Variants in RP1 observed in about 807,000 individuals in gnomAD.
The protein encoded by RP1 is oxygen-regulated protein 1.
In RP1, 16 loss-of-function variants were observed where a neutral mutation model predicts 14.8. The observed-to-expected ratio is 1.08, with a 90% CI of 0.73 to 1.65. The LOEUF (loss-of-function observed/expected upper bound fraction) is 1.65, where lower values mean the gene tolerates loss of function less well. RP1 is among the 40% of genes most tolerant of loss of function. The pLI is 0.00. For missense variants in RP1, 2,631 were observed against 2,535.0 expected (o/e 1.04, Z -0.81); for synonymous variants, 876 against 883.6 (o/e 0.99, Z 0.15).
intron 24 of RP1, among the ~76,000 whole-genome samples, chr8:54,804,076 T>C (rs879313799): frequency 6.8e-6 from 1 of 147,180 alleles, no homozygotes; most frequent in Admixed American, 6.9e-5. Flanking sequence ...TCAAAAAAAA[T>C]AAAAGAATTA....
intron 4 of RP1, among the ~76,000 whole-genome samples, chr8:54,650,101 A>G (rs1318295000): frequency 6.6e-6 from 1 of 152,186 alleles, no homozygotes; most frequent in Non-Finnish European, 1.5e-5. Flanking sequence ...CATAGTTTAT[A>G]GGGCTAAATA....
At chr8:54,695,911 A>G (rs564829526) in intron 12 of RP1, among the ~76,000 whole-genome samples, 1 of 152,318 alleles carries the variant, frequency 6.6e-6, no homozygotes, top group East Asian at 1.9e-4. Flanking sequence ...TATTATGTAG[A>G]CAAAAATAAA....
Position 54,626,556 on chromosome 8 carries a change from G to C in RP1, c.2674G>C (p.Ala892Pro), listed in dbSNP as rs1205090712. 1 of 1,613,492 alleles carries C rather than the reference G, an allele frequency of 6.2e-7. No homozygotes were observed. The highest frequency in any genetic ancestry group is 8.5e-7 in the Non-Finnish European group (1 of 1,179,896). The change falls in exon 4 of 4, where the codon GCA becomes CCA. Residue 892 changes from alanine to proline, a missense_variant. By Grantham distance (27) the Ala-to-Pro change is conservative. Transcript: ENST00000220676. ...AAGTAAACAACATGCTACAACCAGG[G>C]CAAATTCTTTAGCTTCTTTGAAAAA... Reference protein sequence around the residue: ...ILSKQHATTRANSLASLKKPD... With the variant: ...ILSKQHATTRPNSLASLKKPD...
intron 1 of RP1, among the ~76,000 whole-genome samples, chr8:54,578,979 C>T (rs1294284859): frequency 2.0e-5 from 3 of 152,194 alleles, no homozygotes; most frequent in Admixed American, 6.5e-5. Context: ...GAAATAAAGC[C>T]ATTTCCCCAA....
chr8:54,738,287 C>T (rs1305890291), intron 18 of RP1, among the ~76,000 whole-genome samples: 1 of 152,146 alleles, frequency 6.6e-6, no homozygotes, highest in East Asian at 1.9e-4. Context: ...ATATTTTACT[C>T]CGTTTGCAAC....
chr8:54,864,413 C>T (rs1812416592), intron 27 of RP1, among the ~76,000 whole-genome samples: 2 of 152,054 alleles, frequency 1.3e-5, no homozygotes, highest in Admixed American at 6.6e-5. Flanking sequence ...AAAAATAAAA[C>T]ATTTTAATTT....
intron 24 of RP1, among the ~76,000 whole-genome samples, chr8:54,792,585 T>G (rs1369481087): frequency 6.6e-6 from 1 of 151,892 alleles, no homozygotes; most frequent in African/African-American, 2.4e-5. Context: ...TCATGGAGAT[T>G]AAACACACTT....
In RP1 at chr8:54,629,413, A is replaced by G. The variant is rs1369883619; in HGVS notation, c.5531A>G (p.Lys1844Arg). The G allele has an allele frequency of 6.2e-7, 1 of 1,614,024 alleles. No homozygotes were observed. Among genetic ancestry groups the G allele is most frequent in the Non-Finnish European group, 8.5e-7 (1 of 1,180,004 alleles). ...LLDVRNETCA[K>R]ERIANHHTEE... is the part of the protein sequence containing the mutation. ...GATGTTCGCAATGAAACCTGTGCCA[A>G]GGAAAGAATAGCAAATCATCATACA... The change falls in exon 4 of 4, where the codon AAG (lysine) becomes AGG (arginine). Residue 1844 changes from lysine (K) to arginine (R), a missense_variant. Lys to Arg is a conservative substitution (Grantham distance 26). Coordinates refer to ENST00000220676, the MANE Select transcript of RP1 (RefSeq NM_006269.2).
intron 24 of RP1, among the ~76,000 whole-genome samples, chr8:54,829,130 A>G (rs1811460338): frequency 6.6e-6 from 1 of 151,906 alleles, no homozygotes. Flanking sequence ...TGTCAGGTCC[A>G]TTATAATCTT....
At chr8:54,609,607 C>T (rs749464361) in intron 1 of RP1, among the ~76,000 whole-genome samples, 3 of 152,292 alleles carry the variant, frequency 2.0e-5, no homozygotes, top group South Asian at 2.1e-4. Flanking sequence ...GTCCTCCTTT[C>T]ATTCCACTGG....
At chr8:54,660,946 G>A (rs191909136) in intron 6 of RP1, among the ~76,000 whole-genome samples, 3 of 151,626 alleles carry the variant, frequency 2.0e-5, no homozygotes, top group East Asian at 1.9e-4. Flanking sequence ...ATCCCCCTCC[G>A]CTTGTTTTCT....
chr8:54,611,812 T>A (rs940672647), upstream of RP1, among the ~76,000 whole-genome samples: 4 of 152,112 alleles, frequency 2.6e-5, no homozygotes, highest in Non-Finnish European at 5.9e-5. Context: ...TATAATTTGG[T>A]AACTCTGGAA....
At chr8:54,794,283 G>T (rs1810531422) in intron 24 of RP1, among the ~76,000 whole-genome samples, 2 of 151,478 alleles carry the variant, frequency 1.3e-5, no homozygotes, top group Non-Finnish European at 3.0e-5. Flanking sequence ...AACAAAGCTG[G>T]ATGCATTGCA....
chr8:54,710,482 T>A (rs1808269140), intron 15 of RP1, among the ~76,000 whole-genome samples: 2 of 152,190 alleles, frequency 1.3e-5, no homozygotes, highest in Non-Finnish European at 2.9e-5. Flanking sequence ...TGCCTCGTTG[T>A]GTAGGGCAGC....
At chr8:54,735,179 A>G (rs1159286852) in intron 18 of RP1, among the ~76,000 whole-genome samples, 2 of 152,076 alleles carry the variant, frequency 1.3e-5, no homozygotes, top group Admixed American at 6.6e-5. Context: ...TCATCTTTTT[A>G]ATTAAAAAAG....
rs572678727 is a variant in RP1 at position 54,712,273 on chromosome 8, G to A, written c.2211+5618G>A. 5.9e-4 allele frequency among the ~76,000 whole-genome samples: 90 copies of A among 152,248 alleles called. 1 individual carries two copies. Among genetic ancestry groups the A allele is most frequent in the Admixed American group, 1.2e-3 (18 of 15,286 alleles). On this transcript the variant is annotated intron_variant, in intron 15 of 22. Transcript: ENST00000636932. ...CTTCAGGAGAGAGTGGGCTGGAGAGGGTCTGGGAGACCGTCCTGCTTCCAC... is the reference window on the plus strand; with the variant it reads ...CTTCAGGAGAGAGTGGGCTGGAGAGAGTCTGGGAGACCGTCCTGCTTCCAC...
chr8:54,568,650 A>G (rs1804458764), intron 1 of RP1, among the ~76,000 whole-genome samples: 1 of 152,240 alleles, frequency 6.6e-6, no homozygotes, highest in African/African-American at 2.4e-5. Flanking sequence ...ATCTTAAGGA[A>G]GTTGGGTGTG....
chr8:54,603,650 T>C (rs1464188264), intron 1 of RP1, among the ~76,000 whole-genome samples: 1 of 152,232 alleles, frequency 6.6e-6, no homozygotes, highest in Non-Finnish European at 1.5e-5. Flanking sequence ...TTTCACGATA[T>C]TGATTCTTCT....
At position 54,625,095 on chromosome 8, in the gene RP1, G is replaced by A. The variant is rs1436761719; in HGVS notation, c.1213G>A (p.Ala405Thr). The A allele has an allele frequency of 6.2e-7, 1 of 1,614,140 alleles. No individual in the cohort carries two copies. The highest frequency in any genetic ancestry group is 1.7e-5 in the Admixed American group (1 of 60,016). The change falls in exon 4 of 4, where the codon GCA becomes ACA. Residue 405 changes from alanine (A) to threonine (T), a missense_variant. Ala to Thr is a moderately conservative substitution (Grantham distance 58). Transcript: ENST00000220676. Reference protein sequence around the residue: ...ERSSNQEGSLAEEINIQMTDQ... With the variant: ...ERSSNQEGSLTEEINIQMTDQ... ...AAGCAGTAATCAAGAGGGCAGTTTGGCAGAGGAGATAAACATTCAAATGAC... is the reference window on the plus strand; with the variant it reads ...AAGCAGTAATCAAGAGGGCAGTTTGACAGAGGAGATAAACATTCAAATGAC...
Sources: allele counts gnomAD v4.1 joint callset (sites outside exome capture counted in the v4.1 genomes callset), GRCh38; gene constraint gnomAD v4.1.1; transcripts MANE v1.5; gene names NCBI Gene and HGNC (gene_info 2026-07-23, HGNC 2026-07-21).